The following ARMC5 variants were observed in gnomAD, a reference collection of about 807,000 sequenced individuals.
The protein encoded by ARMC5 is armadillo repeat-containing protein 5.
A neutral mutation model predicts 60.5 loss-of-function variants in ARMC5; 28 were observed. The observed-to-expected ratio is 0.46, with a 90% CI of 0.34 to 0.63. The LOEUF is 0.63. Among genes scored for constraint, ARMC5 ranks in the 30% least tolerant of loss-of-function variants. The pLI is 0.01. For missense variants in ARMC5, 1,189 were observed against 1,304.9 expected (o/e 0.91, Z 1.37); for synonymous variants, 680 against 607.3 (o/e 1.12, Z -1.76).
upstream of ARMC5, chr16:31,458,732 A>T: frequency 6.8e-7 from 1 of 1,472,924 alleles, no homozygotes; most frequent in Non-Finnish European, 9.0e-7. Flanking sequence ...TCCAGGGGTG[A>T]CCTGGGGGCT....
chr16:31,458,887 G>A (rs1567372110), upstream of ARMC5: 1 of 1,535,672 alleles, frequency 6.5e-7, no homozygotes, highest in East Asian at 2.4e-5. Flanking sequence ...CACGTCCAGA[G>A]CGGAGGACAC....
rs765766953 is a variant in ARMC5 at position 31,466,774 on chromosome 16, G to A, written c.2693G>A (p.Arg898Gln). 3.8e-6 allele frequency: 6 copies of A among 1,579,144 alleles called. No homozygotes were observed. The Admixed American group carries it at 5.5e-5, about 15-fold the overall frequency. ...TLGSEQCPRKRGLALVGLVEA... is the reference protein window; with the variant it reads ...TLGSEQCPRKQGLALVGLVEA... ...GGGTCAGAGCAGTGCCCGAGGAAGCGGGGTCTGGCCCTGGTGGGGCTTGTG... is the reference window on the plus strand; with the variant it reads ...GGGTCAGAGCAGTGCCCGAGGAAGCAGGGTCTGGCCCTGGTGGGGCTTGTG... The change falls in exon 6 of 6, where the codon CGG (arginine) becomes CAG (glutamine). Residue 898 changes from arginine (R) to glutamine (Q), a missense_variant. Coordinates refer to ENST00000268314, the MANE Select transcript of ARMC5 (RefSeq NM_001105247.2). The surrounding 1 kb of genome is among the most constrained non-coding windows in gnomAD (Gnocchi z 8.0).
Position 31,462,448 on chromosome 16 carries a change from A to C in ARMC5, c.901A>C (p.Thr301Pro), listed in dbSNP as rs1425499834. Reference protein sequence around the residue: ...SHPKRAVREGTILILANLCAQ... With the variant: ...SHPKRAVREGPILILANLCAQ... ...CCCCAAGCGGGCAGTACGCGAGGGA[A>C]CCATTCTGATCCTCGCCAACCTGTG... Residue 301 changes from threonine to proline, a missense_variant, in exon 3 of 6, where the codon ACC becomes CCC. Thr to Pro is a conservative substitution (Grantham distance 38). Around this residue, in one of 2 missense-constraint regions of ARMC5, gnomAD observed 862 missense variants for 1,071.2 expected, o/e 0.80. Transcript: ENST00000268314. The surrounding 1 kb of genome is among the most constrained non-coding windows in gnomAD (Gnocchi z 7.2). 1 of 1,612,742 alleles carries C rather than the reference A, an allele frequency of 6.2e-7. No individual in the cohort carries two copies. Among genetic ancestry groups the C allele is most frequent in the Non-Finnish European group, 8.5e-7 (1 of 1,179,614 alleles).
In ARMC5 at chr16:31,464,715, A is replaced by C; in HGVS notation, c.1692A>C (p.Pro564=). 1 of 1,598,784 alleles carries C rather than the reference A, an allele frequency of 6.3e-7. No homozygotes were observed. The highest frequency in any genetic ancestry group is 8.5e-7 in the Non-Finnish European group (1 of 1,179,256). ...CCGGCGCACCGGGCCCGCCCAGCCCACGTGCACTGCGCATTCTGTCACGCC... is the reference window on the plus strand; with the variant it reads ...CCGGCGCACCGGGCCCGCCCAGCCCCCGTGCACTGCGCATTCTGTCACGCC... ...YVTGAPGPPS[P]RALRILSRLT... The change falls in exon 4 of 6, where the codon CCA becomes CCC. Residue 564 remains proline, a synonymous_variant. Transcript: ENST00000268314. The surrounding 1 kb of genome is among the most constrained non-coding windows in gnomAD (Gnocchi z 7.6).
chr16:31,465,722 C>G, intron 4 of ARMC5, 128 bp from the exon 5 acceptor site: 1 of 1,517,258 alleles, frequency 6.6e-7, no homozygotes, highest in Admixed American at 2.4e-5. Flanking sequence ...CCAGCACTGT[C>G]TCTTCAGTGC....
In ARMC5 at chr16:31,466,735, C is replaced by T. The variant is rs1341200970; in HGVS notation, c.2654C>T (p.Ala885Val). Residue 885 changes from alanine to valine, a missense_variant, in exon 6 of 6, where the codon GCC becomes GTC. Ala to Val is a moderately conservative substitution (Grantham distance 64). This residue lies in a region of ARMC5 where 862 missense variants were observed against 1,071.2 expected (regional missense o/e 0.80). Transcript: ENST00000268314. This position sits in a 1 kb window ranked among gnomAD's most constrained non-coding sequence, Gnocchi z 8.0. ...LGRPRLAAHCARWTLGSEQCP... is the reference protein window; with the variant it reads ...LGRPRLAAHCVRWTLGSEQCP... ...CGGCCCCGGCTGGCTGCCCACTGTG[C>T]CCGCTGGACACTGGGGTCAGAGCAG... 1.9e-6 allele frequency: 3 copies of T among 1,561,072 alleles called. No homozygotes were observed. The highest frequency in any genetic ancestry group is 3.9e-5 in the Admixed American group (2 of 51,932).
chr16:31,465,060 G>A (rs1377267685), intron 4 of ARMC5, 173 bp downstream of exon 4: 1 of 1,613,828 alleles, frequency 6.2e-7, no homozygotes, highest in South Asian at 1.1e-5. Context: ...TCCCTCCATG[G>A]GCCCACAGGC....
upstream of ARMC5, chr16:31,459,174 G>C (rs1195331853): frequency 6.6e-7 from 1 of 1,514,262 alleles, no homozygotes; most frequent in African/African-American, 1.4e-5. Context: ...GGCGGGGCAC[G>C]GCACGAAGGC....
In ARMC5 at chr16:31,464,789, C is replaced by T. The variant is rs778251907; in HGVS notation, c.1766C>T (p.Ala589Val). The change falls in exon 4 of 6, where the codon GCG becomes GTG. Residue 589 changes from alanine to valine, a missense_variant. Ala to Val is a moderately conservative substitution (Grantham distance 64). This residue lies in a region of ARMC5 where 862 missense variants were observed against 1,071.2 expected (regional missense o/e 0.80). Transcript: ENST00000268314. This position sits in a 1 kb window ranked among gnomAD's most constrained non-coding sequence, Gnocchi z 7.6. The stretch of plus-strand genomic sequence containing the variant: ...GAGGCCTTCGTGCGCAGCTATGGCG[C>T]GGCGCTGCTGCGGGCCTGGCTGGTG... ...CLEAFVRSYG[A>V]ALLRAWLVLG... 1.1e-5 allele frequency: 17 copies of T among 1,598,676 alleles called. No individual in the cohort carries two copies. The East Asian group carries it at 1.1e-4, about 10-fold the overall frequency.
At position 31,464,685 on chromosome 16, in the gene ARMC5, T is replaced by C. The variant is rs780150601; in HGVS notation, c.1662T>C (p.Tyr554=). ...CGGCGCTGTACGGCCTGCTGACCTA[T>C]GTGACCGGCGCACCGGGCCCGCCCA... ...TGPALYGLLT[Y]VTGAPGPPSP... is the part of the protein sequence containing the mutation. Residue 554 remains tyrosine, a synonymous_variant, in exon 4 of 6, where the codon TAT becomes TAC. Coordinates refer to ENST00000268314, the MANE Select transcript of ARMC5 (RefSeq NM_001105247.2). The surrounding 1 kb of genome is among the most constrained non-coding windows in gnomAD (Gnocchi z 7.6). 9 of 1,598,508 alleles carry C rather than the reference T, an allele frequency of 5.6e-6. No homozygotes were observed. The highest frequency in any genetic ancestry group is 1.3e-5 in the African/African-American group (1 of 74,866).
upstream of ARMC5, chr16:31,458,640 G>A: frequency 1.4e-6 from 2 of 1,445,182 alleles, no homozygotes; most frequent in Non-Finnish European, 1.8e-6. Flanking sequence ...TTCCTCCCCA[G>A]GGCTAGAGCC....
At position 31,466,022 on chromosome 16, in the gene ARMC5, G is replaced by C. The variant is rs373701622; in HGVS notation, c.1997+40G>C. 1.3e-6 allele frequency: 2 copies of C among 1,595,598 alleles called. No individual in the cohort carries two copies. Among genetic ancestry groups the C allele is most frequent in the African/African-American group, 2.7e-5 (2 of 74,558 alleles). The stretch of plus-strand genomic sequence containing the variant: ...GGTGCCTTGCGGGGTTGGGGGAGGA[G>C]TGCTGTGTTTCCCAGGCCCGTTGCC... On this transcript the variant is annotated intron_variant, in intron 5 of 5. Coordinates refer to ENST00000268314, the MANE Select transcript of ARMC5 (RefSeq NM_001105247.2). The surrounding 1 kb of genome is among the most constrained non-coding windows in gnomAD (Gnocchi z 8.0).
upstream of ARMC5, chr16:31,459,434 C>T: frequency 1.3e-6 from 2 of 1,541,752 alleles, no homozygotes; most frequent in South Asian, 1.2e-5. Context: ...ACAGCGTCAG[C>T]GAGGCGGTGC....
chr16:31,462,944 G>A lies in ARMC5; in HGVS notation c.1370+27G>A. On this transcript the variant is annotated intron_variant, in intron 3 of 5. Coordinates refer to ENST00000268314, the MANE Select transcript of ARMC5 (RefSeq NM_001105247.2). The surrounding 1 kb of genome is among the most constrained non-coding windows in gnomAD (Gnocchi z 7.2). Reference sequence around the variant, plus strand: ...TGAGTCCCTGCCTCAGGGCTTGGGAGGGTGAGCAGTGCAGTGATGTGGGGT... The same window carrying A: ...TGAGTCCCTGCCTCAGGGCTTGGGAAGGTGAGCAGTGCAGTGATGTGGGGT... 6.5e-7 allele frequency: 1 copy of A among 1,527,430 alleles called. No individual in the cohort carries two copies. Among genetic ancestry groups the A allele is most frequent in the Non-Finnish European group, 8.8e-7 (1 of 1,137,418 alleles). The allele number at this position is 1,527,430 out of a possible 1,614,324, so 94.6% of individuals were successfully genotyped here. A position where few individuals can be genotyped will look rare whatever the true frequency, so the allele number is the denominator to read the frequency against.
At chr16:31,458,807 C>G (rs114085993), upstream of ARMC5, 7 of 1,530,068 alleles carry the variant, frequency 4.6e-6, no homozygotes, top group Non-Finnish European at 5.2e-6. Context: ...CTCGCCTCTT[C>G]TGGCGCGGCC....
rs2082314837 is a variant in ARMC5 at position 31,462,654 on chromosome 16, T to C, written c.1107T>C (p.Gly369=). Residue 369 remains glycine, a synonymous_variant, in exon 3 of 6, where the codon GGT becomes GGC. Transcript: ENST00000268314. The surrounding 1 kb of genome is among the most constrained non-coding windows in gnomAD (Gnocchi z 7.2). ...ACCGGGCCCGACTGCGGGATGCTGGTGGCTTGGATCTACTGATGGGCCTGC... is the reference window on the plus strand; with the variant it reads ...ACCGGGCCCGACTGCGGGATGCTGGCGGCTTGGATCTACTGATGGGCCTGC... ...AINRARLRDA[G]GLDLLMGLLR... 6.2e-7 allele frequency: 1 copy of C among 1,613,610 alleles called. No individual in the cohort carries two copies. The highest frequency in any genetic ancestry group is 1.3e-5 in the African/African-American group (1 of 74,942).
intron 1 of ARMC5, among the ~76,000 whole-genome samples, chr16:31,461,666 C>G (rs922488568): frequency 6.6e-6 from 1 of 152,166 alleles, no homozygotes; most frequent in East Asian, 1.9e-4. Flanking sequence ...TACCACCATG[C>G]CCAGATAATT....
Position 31,462,066 on chromosome 16 carries a change from G to C in ARMC5, c.583+37G>C, listed in dbSNP as rs2082308229. On this transcript the variant is annotated intron_variant, in intron 2 of 5. Transcript: ENST00000268314. This position sits in a 1 kb window ranked among gnomAD's most constrained non-coding sequence, Gnocchi z 7.2. The stretch of plus-strand genomic sequence containing the variant: ...TGAGGTTGGGGTCTGCTAGGGCTTG[G>C]GGCAGAAGAAAGGCTTGAGTGTCTG... The C allele has an allele frequency of 1.2e-6, 2 of 1,613,296 alleles. No homozygotes were observed. The highest frequency in any genetic ancestry group is 1.7e-6 in the Non-Finnish European group (2 of 1,179,426).
rs368308507 is a variant in ARMC5 at position 31,462,617 on chromosome 16, G to A, written c.1070G>A (p.Arg357His). Reference protein sequence around the residue: ...PLVRAVCLLCREAINRARLRD... With the variant: ...PLVRAVCLLCHEAINRARLRD... ...GTGCGGGCTGTGTGCCTCCTATGTC[G>A]TGAGGCCATCAACCGGGCCCGACTG... Residue 357 changes from arginine to histidine, a missense_variant, in exon 3 of 6, where the codon CGT (arginine) becomes CAT (histidine). By Grantham distance (29) the Arg-to-His change is conservative. Transcript: ENST00000268314. The surrounding 1 kb of genome is among the most constrained non-coding windows in gnomAD (Gnocchi z 7.2). The A allele has an allele frequency of 1.1e-5, 17 of 1,613,328 alleles. No homozygotes were observed. Among genetic ancestry groups the A allele is most frequent in the Middle Eastern group, 1.7e-4 (1 of 5,936 alleles).
Sources: allele counts gnomAD v4.1 joint callset (sites outside exome capture counted in the v4.1 genomes callset), GRCh38; gene constraint gnomAD v4.1.1; regional missense constraint gnomAD v4.1.1; non-coding constraint Gnocchi (gnomAD v3.1); transcripts MANE v1.5; gene names NCBI Gene and HGNC (gene_info 2026-07-23, HGNC 2026-07-21).